The following FREM1 variants were observed in gnomAD, a reference collection of about 807,000 sequenced individuals.
FREM1 encodes FRAS1 related extracellular matrix 1, also known as FRAS1-related extracellular matrix protein 1.
FREM1 carries 220 observed loss-of-function variants against 210.1 expected under a neutral mutation model. That is an observed-to-expected ratio of 1.05 (90% CI 0.94 to 1.17). FREM1 has a LOEUF of 1.17. Among genes scored for constraint, FREM1 ranks in the 50% most tolerant of loss-of-function variants. The pLI is 0.00. For missense variants in FREM1, 3,454 were observed against 2,675.5 expected (o/e 1.29, Z -6.42); for synonymous variants, 1,189 against 980.2 (o/e 1.21, Z -3.98).
intron 1 of FREM1, among the ~76,000 whole-genome samples, chr9:14,881,352 A>G (rs1834763764): frequency 6.6e-6 from 1 of 152,042 alleles, no homozygotes; most frequent in Non-Finnish European, 1.5e-5. Context: ...ACTATCCCAC[A>G]CTTTTACAGC....
intron 10 of FREM1, among the ~76,000 whole-genome samples, chr9:14,833,394 G>C (rs1823941814): frequency 6.6e-6 from 1 of 152,174 alleles, no homozygotes; most frequent in African/African-American, 2.4e-5. Flanking sequence ...TCCTTCCAAA[G>C]TCGGTTCAGC....
intron 20 of FREM1, 53 bp downstream of exon 20, chr9:14,801,599 G>T: frequency 8.0e-7 from 1 of 1,257,782 alleles, no homozygotes; most frequent in Non-Finnish European, 1.1e-6. Context: ...ATAAGTATGG[G>T]TTAAATTATT....
chr9:14,873,886 T>G (rs1259615695), intron 1 of FREM1, among the ~76,000 whole-genome samples: 1 of 152,232 alleles, frequency 6.6e-6, no homozygotes, highest in Admixed American at 6.5e-5. Context: ...CTCGTTGGTT[T>G]CAAAGAACAT....
intron 2 of FREM1, 101 bp downstream of exon 2, chr9:14,868,643 T>C (rs1433367721): frequency 1.3e-6 from 1 of 762,764 alleles, no homozygotes. Flanking sequence ...CTTTGATGGC[T>C]TGAGGGGAGA....
At chr9:14,758,110 G>A (rs1844764258) in intron 28 of FREM1, among the ~76,000 whole-genome samples, 1 of 152,152 alleles carries the variant, frequency 6.6e-6, no homozygotes, top group African/African-American at 2.4e-5. Flanking sequence ...AATCCACACA[G>A]GGTAAAAGCA....
intron 24 of FREM1, among the ~76,000 whole-genome samples, chr9:14,776,955 C>T (rs1051238831): frequency 9.9e-5 from 15 of 152,204 alleles, no homozygotes; most frequent in African/African-American, 3.4e-4. Context: ...GATTATTTTC[C>T]TGCTTCAAAG....
At chr9:14,797,770 G>C (rs975518437) in intron 20 of FREM1, 128 bp from the exon 21 acceptor site, 27 of 613,366 alleles carry the variant, frequency 4.4e-5, no homozygotes, top group Non-Finnish European at 7.0e-5. Flanking sequence ...GCAGTAGGGT[G>C]AAATTAAACT....
rs1204378858 is a variant in FREM1 at position 14,769,846 on chromosome 9, A to T, written c.5082T>A (p.Phe1694Leu). 1.9e-6 allele frequency: 3 copies of T among 1,552,930 alleles called. No individual in the cohort carries two copies. Among genetic ancestry groups the T allele is most frequent in the Non-Finnish European group, 2.6e-6 (3 of 1,143,514 alleles). Residue 1694 changes from phenylalanine to leucine, a missense_variant, in exon 27 of 37, where the codon TTT becomes TTA. Physicochemically the swap from Phe to Leu is conservative, Grantham distance 22. Coordinates refer to ENST00000380880, the MANE Select transcript of FREM1 (RefSeq NM_001379081.2). ...TTTGEFIHEKFSQKDLNSKTI... is the reference protein window; with the variant it reads ...TTTGEFIHEKLSQKDLNSKTI... ...TCTTACTGTTTAAGTCCTTTTGGCTAAATTTCTCATGGATAAATTCACCTA... is the reference window on the plus strand; with the variant it reads ...TCTTACTGTTTAAGTCCTTTTGGCTTAATTTCTCATGGATAAATTCACCTA...
chr9:14,784,220 T>C (rs897663975), intron 24 of FREM1, 150 bp downstream of exon 24: 5 of 645,486 alleles, frequency 7.7e-6, no homozygotes, highest in African/African-American at 5.5e-5. Flanking sequence ...AAAAAACAAA[T>C]TTCATTCTAT....
chr9:14,856,615 C>A (rs1030105978), intron 5 of FREM1, among the ~76,000 whole-genome samples: 2 of 151,958 alleles, frequency 1.3e-5, no homozygotes, highest in Non-Finnish European at 2.9e-5. Flanking sequence ...AGGTGGATCA[C>A]GAGGTCAGGA....
intron 16 of FREM1, among the ~76,000 whole-genome samples, chr9:14,809,273 C>T (rs910830317): frequency 1.3e-5 from 2 of 152,290 alleles, no homozygotes; most frequent in African/African-American, 4.8e-5. Context: ...GTCCATTAAA[C>T]CTCTTTCTTT....
chr9:14,897,193 C>T (rs1199711191), intron 1 of FREM1, among the ~76,000 whole-genome samples: 1 of 152,168 alleles, frequency 6.6e-6, no homozygotes, highest in African/African-American at 2.4e-5. Context: ...TCACTTTGTA[C>T]CTGGCACTGT....
At chr9:14,827,852 C>T (rs1822767907) in intron 10 of FREM1, among the ~76,000 whole-genome samples, 1 of 152,304 alleles carries the variant, frequency 6.6e-6, no homozygotes, top group South Asian at 2.1e-4. Flanking sequence ...TTGGCCATCC[C>T]AGCTGTGGCT....
In FREM1 at chr9:14,776,030, G is replaced by A. The variant is rs753002186; in HGVS notation, c.4616C>T (p.Ala1539Val). The change falls in exon 25 of 37, where the codon GCG (alanine) becomes GTG (valine). Residue 1539 changes from alanine to valine, a missense_variant. By Grantham distance (64) the Ala-to-Val change is moderately conservative. Coordinates refer to ENST00000380880, the MANE Select transcript of FREM1 (RefSeq NM_001379081.2). Reference protein sequence around the residue: ...LLQLTDPDTPAENLTFLLVQL... With the variant: ...LLQLTDPDTPVENLTFLLVQL... The stretch of plus-strand genomic sequence containing the variant: ...AACCAAGAGGAAGGTGAGGTTCTCC[G>A]CAGGTGTATCAGGGTCGGTCAGCTG... 2.3e-5 allele frequency: 37 copies of A among 1,613,892 alleles called. 1 individual carries two copies. The Admixed American group carries it at 3.8e-4, about 17-fold the overall frequency.
intron 22 of FREM1, chr9:14,790,978 C>G (rs1177858949): frequency 6.6e-6 from 1 of 152,220 alleles, no homozygotes; most frequent in Non-Finnish European, 1.5e-5. Flanking sequence ...TCTATGGTGC[C>G]TACAATCTAT....
chr9:14,821,584 G>A (rs997302301), intron 13 of FREM1, among the ~76,000 whole-genome samples: 3 of 152,162 alleles, frequency 2.0e-5, no homozygotes, highest in East Asian at 1.9e-4. Flanking sequence ...TTTCACCACC[G>A]GGAATATGAT....
intron 7 of FREM1, among the ~76,000 whole-genome samples, chr9:14,846,576 G>T (rs1826664906): frequency 6.6e-6 from 1 of 152,104 alleles, no homozygotes; most frequent in Non-Finnish European, 1.5e-5. Context: ...ATGCCAACGT[G>T]CCTGCTTAAG....
intron 26 of FREM1, 75 bp downstream of exon 26, chr9:14,770,527 TTAA>T (rs1184279676): frequency 1.8e-6 from 2 of 1,091,442 alleles, no homozygotes; most frequent in Non-Finnish European, 2.8e-6. Context: ...GGGCCTGCAC[TTAA>T]TTAAATTACT....
At chr9:14,816,717 T>G (rs1820369075) in intron 15 of FREM1, 61 bp downstream of exon 15, 2 of 785,402 alleles carry the variant, frequency 2.5e-6, no homozygotes, top group Middle Eastern at 2.5e-4. Flanking sequence ...TCTGTAGTAT[T>G]GTGTTATGGC....
Sources: allele counts gnomAD v4.1 joint callset (sites outside exome capture counted in the v4.1 genomes callset), GRCh38; gene constraint gnomAD v4.1.1; transcripts MANE v1.5; gene names NCBI Gene and HGNC (gene_info 2026-07-23, HGNC 2026-07-21).